CHRM3: variants seen among roughly 807,000 people sequenced by gnomAD.
CHRM3 encodes the protein cholinergic receptor muscarinic 3, also known as muscarinic acetylcholine receptor M3.
CHRM3 carries 11 observed loss-of-function variants against 41.8 expected under a neutral mutation model. The observed-to-expected ratio is 0.26, with a 90% CI of 0.17 to 0.44. The LOEUF (loss-of-function observed/expected upper bound fraction) is 0.44, where lower values mean the gene tolerates loss of function less well. Ranked by LOEUF, CHRM3 falls within the 20% of genes least tolerant of loss-of-function variation. The probability of loss-of-function intolerance (pLI) is 1.00; values close to 1 mark genes in which losing one functional copy is unlikely to be tolerated. For synonymous variants in CHRM3, 297 were observed against 301.4 expected, an observed-to-expected ratio of 0.99 and a Z score of 0.15; for missense variants, 571 against 745.4, an observed-to-expected ratio of 0.77 and a Z score of 2.72.
chr1:239,412,599 A>G (rs1193128238), intron 1 of CHRM3, among the ~76,000 whole-genome samples: 2 of 151,470 alleles, frequency 1.3e-5, no homozygotes, highest in Non-Finnish European at 2.9e-5. Flanking sequence ...TGCACAAATA[A>G]CTCAGAACAT....
chr1:239,468,161 C>G (rs1665867139), intron 1 of CHRM3, among the ~76,000 whole-genome samples: 1 of 152,196 alleles, frequency 6.6e-6, no homozygotes, highest in Admixed American at 6.5e-5. Context: ...GGGTTCAAAA[C>G]ATCCATTTTG....
At chr1:239,660,622 C>A (rs527758467) in intron 4 of CHRM3, among the ~76,000 whole-genome samples, 3 of 152,108 alleles carry the variant, frequency 2.0e-5, no homozygotes, top group Non-Finnish European at 4.4e-5. Flanking sequence ...GTGGCTCATG[C>A]GTGTAATCCC....
intron 1 of CHRM3, among the ~76,000 whole-genome samples, chr1:239,490,594 G>T (rs1241073395): frequency 6.6e-6 from 1 of 151,766 alleles, no homozygotes; most frequent in African/African-American, 2.4e-5. Context: ...TTTTGAGATG[G>T]GGTCTTACTC....
intron 1 of CHRM3, among the ~76,000 whole-genome samples, chr1:239,408,852 A>C (rs1364275871): frequency 1.3e-5 from 2 of 150,740 alleles, no homozygotes; most frequent in Non-Finnish European, 3.0e-5. Context: ...AAACTCCTGG[A>C]CTCAAGCAGT....
chr1:239,469,220 T>C (rs1665940206), intron 1 of CHRM3, among the ~76,000 whole-genome samples: 1 of 152,240 alleles, frequency 6.6e-6, no homozygotes. Context: ...CAATCTCTGT[T>C]ACAGTGCTTC....
intron 3 of CHRM3, among the ~76,000 whole-genome samples, chr1:239,590,852 A>C (rs1468900116): frequency 6.6e-6 from 1 of 152,162 alleles, no homozygotes; most frequent in Admixed American, 6.5e-5. Flanking sequence ...AAAAGACAAG[A>C]GACTCACTCA....
At chr1:239,509,181 A>C (rs1668765113) in intron 2 of CHRM3, among the ~76,000 whole-genome samples, 1 of 152,242 alleles carries the variant, frequency 6.6e-6, no homozygotes, top group Non-Finnish European at 1.5e-5. Context: ...CATCCAGTGA[A>C]AATGTGCAGG....
intron 6 of CHRM3, among the ~76,000 whole-genome samples, chr1:239,832,615 G>A (rs1672982469): frequency 6.6e-6 from 1 of 151,954 alleles, no homozygotes; most frequent in African/African-American, 2.4e-5. Flanking sequence ...TAGTAAGAAA[G>A]TAAAATGGTG....
chr1:239,681,175 A>C (rs1016449914), intron 5 of CHRM3, among the ~76,000 whole-genome samples: 1 of 152,178 alleles, frequency 6.6e-6, no homozygotes, highest in African/African-American at 2.4e-5. Flanking sequence ...TCTGGGAGAT[A>C]TGATTCAAAT....
At chr1:239,808,068 T>C (rs1670804712) in intron 5 of CHRM3, among the ~76,000 whole-genome samples, 1 of 152,160 alleles carries the variant, frequency 6.6e-6, no homozygotes. Context: ...TTATCGGTAA[T>C]CGTCTGCCTT....
chr1:239,851,898 C>T (rs1674730303), intron 6 of CHRM3, among the ~76,000 whole-genome samples: 1 of 152,106 alleles, frequency 6.6e-6, no homozygotes. Context: ...CTCAAAGCTG[C>T]CAGCATCATC....
At chr1:239,903,371 T>G (rs1007569272) in intron 6 of CHRM3, among the ~76,000 whole-genome samples, 3 of 152,232 alleles carry the variant, frequency 2.0e-5, no homozygotes, top group Non-Finnish European at 2.9e-5. Flanking sequence ...TTTGTGTTTT[T>G]AAAAATCTTT....
At chr1:239,506,839 C>G (rs1668605105) in intron 2 of CHRM3, among the ~76,000 whole-genome samples, 1 of 152,162 alleles carries the variant, frequency 6.6e-6, no homozygotes, top group African/African-American at 2.4e-5. Flanking sequence ...CATGGGAACC[C>G]ACCTCTTGCA....
At chr1:239,573,818 C>T (rs1296399595) in intron 3 of CHRM3, among the ~76,000 whole-genome samples, 2 of 152,128 alleles carry the variant, frequency 1.3e-5, no homozygotes, top group Non-Finnish European at 1.5e-5. Flanking sequence ...TTAAATTTTG[C>T]ATTCCTGAAC....
intron 5 of CHRM3, among the ~76,000 whole-genome samples, chr1:239,716,641 T>A (rs922459748): frequency 3.3e-5 from 5 of 151,912 alleles, no homozygotes; most frequent in African/African-American, 1.2e-4. Context: ...ATAAATAATA[T>A]TTTTAATTTG....
At chr1:239,859,519 G>A (rs1486874320) in intron 6 of CHRM3, among the ~76,000 whole-genome samples, 12 of 148,148 alleles carry the variant, frequency 8.1e-5, no homozygotes, top group South Asian at 4.5e-4. Flanking sequence ...TCCGCCTCCC[G>A]GGTTCAAGCC....
At chr1:239,618,420 T>G (rs1667900421) in intron 3 of CHRM3, among the ~76,000 whole-genome samples, 1 of 150,716 alleles carries the variant, frequency 6.6e-6, no homozygotes, top group Non-Finnish European at 1.5e-5. Context: ...AGCTCAGGCC[T>G]CATCTGCTAG....
chr1:239,629,868 C>G (rs1279231501), intron 3 of CHRM3, among the ~76,000 whole-genome samples: 1 of 152,132 alleles, frequency 6.6e-6, no homozygotes, highest in East Asian at 1.9e-4. Flanking sequence ...ATAATTAGGA[C>G]AGCATTCTCT....
chr1:239,739,019 A>T (rs576252976), intron 5 of CHRM3, among the ~76,000 whole-genome samples: 1 of 152,082 alleles, frequency 6.6e-6, no homozygotes, highest in African/African-American at 2.4e-5. Context: ...ATAGATTTCA[A>T]TCGTTTTGTT....
Sources: gnomAD v4.1 joint callset for allele counts (sites outside exome capture counted in the v4.1 genomes callset) on GRCh38, gnomAD v4.1.1 for gene constraint, MANE v1.5 for transcripts, NCBI Gene and HGNC (gene_info 2026-07-23, HGNC 2026-07-21) for gene names.